Variants in RYR3 observed in about 807,000 individuals in gnomAD.
RYR3 encodes the protein ryanodine receptor 3.
RYR3 carries 207 observed loss-of-function variants against 584.3 expected under a neutral mutation model. That is an observed-to-expected ratio of 0.35 (90% CI 0.32 to 0.40). The LOEUF (loss-of-function observed/expected upper bound fraction) is 0.40, where lower values mean the gene tolerates loss of function less well. Among genes scored for constraint, RYR3 ranks in the 10% least tolerant of loss-of-function variants. The pLI is 1.00. For missense variants in RYR3, 5,616 were observed against 6,089.2 expected, an observed-to-expected ratio of 0.92 and a Z score of 2.59; for synonymous variants, 2,416 against 2,248.5, an observed-to-expected ratio of 1.07 and a Z score of -2.11.
rs55953380 is a variant in RYR3, at chr15:33,336,542, G to A, written c.51+25446G>A. Among the ~76,000 whole-genome samples, 173 of 59,940 alleles carry A rather than the reference G, an allele frequency of 2.9e-3. 6 individuals carry two copies. Among genetic ancestry groups the A allele is most frequent in the Middle Eastern group, 9.1e-3 (1 of 110 alleles). 39.3% of individuals were successfully genotyped at this position (59,940 alleles called of 152,430 possible). A position where few individuals can be genotyped will look rare whatever the true frequency, so the allele number is the denominator to read the frequency against. ...GGAAGGAGGGAAGGAGGGAAGGAGG[G>A]AAGGAGGGAAGGAAGGAAGAAAAAA... On this transcript the variant is annotated intron_variant, in intron 1 of 103. Coordinates refer to ENST00000634891, the MANE Select transcript of RYR3 (RefSeq NM_001036.6).
At chr15:33,795,813 G>A (rs2075581238) in intron 67 of RYR3, among the ~76,000 whole-genome samples, 1 of 152,170 alleles carries the variant, frequency 6.6e-6, no homozygotes, top group South Asian at 2.1e-4. Context: ...TTACAGGCAT[G>A]AGCCACCGCA....
intron 3 of RYR3, among the ~76,000 whole-genome samples, chr15:33,513,055 T>C (rs571560021): frequency 6.6e-6 from 1 of 152,350 alleles, no homozygotes; most frequent in African/African-American, 2.4e-5. Flanking sequence ...AATATTTGAA[T>C]TTTGGGGAAA....
chr15:33,439,190 C>T (rs2046000267), intron 1 of RYR3, among the ~76,000 whole-genome samples: 1 of 151,950 alleles, frequency 6.6e-6, no homozygotes, highest in African/African-American at 2.4e-5. Flanking sequence ...TGGAACTAGC[C>T]ATCTTGTAAA....
intron 53 of RYR3, among the ~76,000 whole-genome samples, chr15:33,746,800 CTTCT>C: frequency 8.9e-6 from 1 of 112,434 alleles, no homozygotes; most frequent in South Asian, 4.7e-4. Flanking sequence ...TTCTTTCTTT[CTTCT>C]TTTTTTTTTT....
intron 1 of RYR3, among the ~76,000 whole-genome samples, chr15:33,462,975 A>G (rs1301424128): frequency 2.0e-5 from 3 of 152,074 alleles, no homozygotes; most frequent in Admixed American, 1.3e-4. Context: ...GTTTGAGACC[A>G]GCCTGGGCAA....
chr15:33,375,920 T>C (rs570652683), intron 1 of RYR3, among the ~76,000 whole-genome samples: 8 of 152,128 alleles, frequency 5.3e-5, no homozygotes, highest in Admixed American at 2.0e-4. Context: ...AAAAATTAGC[T>C]GGGCGTGGTG....
At chr15:33,670,739 A>G (rs980359098) in intron 38 of RYR3, among the ~76,000 whole-genome samples, 183 bp downstream of exon 38, 1 of 152,156 alleles carries the variant, frequency 6.6e-6, no homozygotes, top group African/African-American at 2.4e-5. Context: ...TTCTGATTGA[A>G]GAAACTTACT....
chr15:33,574,355 TC>T (rs1460321199), intron 12 of RYR3, among the ~76,000 whole-genome samples: 2 of 152,214 alleles, frequency 1.3e-5, no homozygotes, highest in African/African-American at 4.8e-5. Context: ...ATGTATTCAT[TC>T]CTTCACTGAA....
Position 33,311,162 on chromosome 15 carries a change from G to C in RYR3, c.51+66G>C. ...GAGGAGCGCGGAGCGCGGCGAGGAG[G>C]GGCTGGCTGCGCTGCGCCGCGGTGC... On this transcript the variant is annotated intron_variant, in intron 1 of 103. Coordinates refer to ENST00000634891, the MANE Select transcript of RYR3 (RefSeq NM_001036.6). The surrounding 1 kb of genome is among the most constrained non-coding windows in gnomAD (Gnocchi z 4.4). 7.7e-7 allele frequency: 1 copy of C among 1,291,002 alleles called. No homozygotes were observed. Among genetic ancestry groups the C allele is most frequent in the Non-Finnish European group, 1.0e-6 (1 of 955,534 alleles). 80.0% of individuals were successfully genotyped at this position (1,291,002 alleles called of 1,614,324 possible). A position where few individuals can be genotyped will look rare whatever the true frequency, so the allele number is the denominator to read the frequency against.
chr15:33,641,865 A>G (rs775280768), intron 27 of RYR3, among the ~76,000 whole-genome samples: 2 of 152,144 alleles, frequency 1.3e-5, no homozygotes, highest in African/African-American at 2.4e-5. Context: ...TTTACTCTCT[A>G]GTGAATGCAG....
intron 1 of RYR3, among the ~76,000 whole-genome samples, chr15:33,462,898 G>A (rs2048162375): frequency 6.6e-6 from 1 of 152,094 alleles, no homozygotes; most frequent in African/African-American, 2.4e-5. Flanking sequence ...TAAGGTTCAG[G>A]TCAGGTGTGG....
chr15:33,707,683 C>T (rs1056171480), intron 43 of RYR3, among the ~76,000 whole-genome samples: 5 of 152,106 alleles, frequency 3.3e-5, no homozygotes, highest in Non-Finnish European at 7.3e-5. Flanking sequence ...TGTTATAATA[C>T]TAATTCATTT....
rs774163504 is a variant in RYR3 at position 33,788,388 on chromosome 15, G to A, written c.9760G>A (p.Glu3254Lys). 12 of 1,613,990 alleles carry A rather than the reference G, an allele frequency of 7.4e-6. No homozygotes were observed. The highest frequency in any genetic ancestry group is 1.3e-5 in the African/African-American group (1 of 75,050). The change falls in exon 67 of 104, where the codon GAG (glutamate) becomes AAG (lysine). Residue 3254 changes from glutamate to lysine, a missense_variant. Physicochemically the swap from Glu to Lys is moderately conservative, Grantham distance 56. Transcript: ENST00000634891. ...GGAGGCAGAACTCCTCATCCTGGAC[G>A]AGTTCGCGGTCCTCTGCAGAGATCT... Reference protein sequence around the residue: ...TQEAELLILDEFAVLCRDLYA... With the variant: ...TQEAELLILDKFAVLCRDLYA...
chr15:33,772,228 C>G (rs1005047796), intron 63 of RYR3, 70 bp downstream of exon 63: 1 of 929,780 alleles, frequency 1.1e-6, no homozygotes, highest in African/African-American at 1.6e-5. Flanking sequence ...AGGGCCCATT[C>G]ACTTACATTG....
intron 1 of RYR3, among the ~76,000 whole-genome samples, chr15:33,417,549 C>T (rs1214037254): frequency 6.6e-6 from 1 of 152,160 alleles, no homozygotes. Context: ...TATCCTGAGA[C>T]TTTGCTAAAG....
Position 33,726,390 on chromosome 15 carries a change from T to C in RYR3, c.6917T>C (p.Ile2306Thr). Residue 2306 changes from isoleucine (I) to threonine (T), a missense_variant, in exon 46 of 104, where the codon ATC (isoleucine) becomes ACC (threonine). Transcript: ENST00000634891. ...LGRCAPEMHLIQTGKGEAIRI... is the reference protein window; with the variant it reads ...LGRCAPEMHLTQTGKGEAIRI... ...ATTCTCAACCCTATCTTCCAGCTCA[T>C]CCAGACAGGAAAGGGGGAAGCCATC... 6.2e-7 allele frequency: 1 copy of C among 1,613,158 alleles called. No homozygotes were observed. The highest frequency in any genetic ancestry group is 8.5e-7 in the Non-Finnish European group (1 of 1,179,622).
chr15:33,513,563 C>T (rs989301478), intron 3 of RYR3, among the ~76,000 whole-genome samples: 6 of 152,210 alleles, frequency 3.9e-5, no homozygotes, highest in Admixed American at 6.5e-5. Flanking sequence ...CAAAGTAAGA[C>T]GAAAGCTGAA....
chr15:33,396,184 T>C (rs572331551), intron 1 of RYR3, among the ~76,000 whole-genome samples: 1 of 152,282 alleles, frequency 6.6e-6, no homozygotes, highest in African/African-American at 2.4e-5. Context: ...TTATGAAAGC[T>C]GGACCTATTC....
chr15:33,564,763 C>T (rs1283352023), intron 11 of RYR3, among the ~76,000 whole-genome samples: 2 of 152,172 alleles, frequency 1.3e-5, no homozygotes, highest in Non-Finnish European at 2.9e-5. Flanking sequence ...GCCTTCTCTT[C>T]TAGGACCATA....
Sources: allele counts gnomAD v4.1 joint callset (sites outside exome capture counted in the v4.1 genomes callset), GRCh38; gene constraint gnomAD v4.1.1; non-coding constraint Gnocchi (gnomAD v3.1); transcripts MANE v1.5; gene names NCBI Gene and HGNC (gene_info 2026-07-23, HGNC 2026-07-21).